DPYD: variants seen among roughly 807,000 people sequenced by gnomAD.
DPYD encodes the protein dihydropyrimidine dehydrogenase [NADP(+)].
A neutral mutation model predicts 116.2 loss-of-function variants in DPYD; 109 were observed. The ratio of observed to expected loss-of-function variants is 0.94; its 90% confidence interval spans 0.80 to 1.10. The LOEUF is 1.10. Among genes scored for constraint, DPYD ranks in the 50% least tolerant of loss-of-function variants. The pLI is 0.00. For missense variants in DPYD, 1,302 were observed against 1,254.5 expected, an observed-to-expected ratio of 1.04 and a Z score of -0.57; for synonymous variants, 440 against 432.0, an observed-to-expected ratio of 1.02 and a Z score of -0.23.
intron 3 of DPYD, among the ~76,000 whole-genome samples, chr1:97,791,609 A>T (rs1455234179): frequency 6.6e-6 from 1 of 152,222 alleles, no homozygotes; most frequent in Non-Finnish European, 1.5e-5. Flanking sequence ...TCTGGTTGTG[A>T]ATCAGCTGGC....
At chr1:97,161,762 C>A (rs1038088975) in intron 20 of DPYD, among the ~76,000 whole-genome samples, 16 of 136,542 alleles carry the variant, frequency 1.2e-4, no homozygotes, top group Admixed American at 3.0e-4. Context: ...TGATGTTCCC[C>A]TTCCTGTGTC....
intron 2 of DPYD, among the ~76,000 whole-genome samples, chr1:97,836,839 T>C (rs2101518269): frequency 6.6e-6 from 1 of 152,216 alleles, no homozygotes; most frequent in Admixed American, 6.5e-5. Flanking sequence ...GATTTTTGTT[T>C]ACAAAGAAAA....
intron 18 of DPYD, among the ~76,000 whole-genome samples, chr1:97,274,274 G>A (rs572860900): frequency 6.6e-6 from 1 of 152,172 alleles, no homozygotes; most frequent in South Asian, 2.1e-4. Flanking sequence ...TGGGCCATGG[G>A]GGCAGATCTC....
intron 3 of DPYD, among the ~76,000 whole-genome samples, chr1:97,803,250 T>G (rs1667929159): frequency 6.6e-6 from 1 of 151,848 alleles, no homozygotes; most frequent in African/African-American, 2.4e-5. Context: ...CTGAAACAAA[T>G]AGGAAAAACA....
intron 20 of DPYD, among the ~76,000 whole-genome samples, chr1:97,138,699 A>C (rs1653985308): frequency 6.6e-6 from 1 of 152,176 alleles, no homozygotes; most frequent in Admixed American, 6.6e-5. Context: ...TAAAAAACAT[A>C]AATATGAACT....
chr1:97,735,471 T>A (rs1663873299), intron 4 of DPYD, among the ~76,000 whole-genome samples: 1 of 146,752 alleles, frequency 6.8e-6, no homozygotes, highest in African/African-American at 2.5e-5. Context: ...GGTCAGGAGT[T>A]GGAAAGCATC....
At chr1:97,183,233 C>T (rs999899422) in intron 20 of DPYD, among the ~76,000 whole-genome samples, 2 of 152,020 alleles carry the variant, frequency 1.3e-5, no homozygotes, top group Admixed American at 6.6e-5. Context: ...GTCTTATAGT[C>T]TTACCTTACT....
intron 2 of DPYD, among the ~76,000 whole-genome samples, chr1:97,842,252 C>A (rs1670075139): frequency 6.6e-6 from 1 of 151,850 alleles, no homozygotes; most frequent in African/African-American, 2.4e-5. Context: ...AATATTTCAA[C>A]TTGAACTGAA....
intron 9 of DPYD, 138 bp from the exon 10 acceptor site, chr1:97,593,525 C>T (rs1260382381): frequency 2.1e-6 from 2 of 953,944 alleles, no homozygotes; most frequent in East Asian, 2.5e-5. Context: ...TCAAATTATT[C>T]TGCTTCATTG....
intron 14 of DPYD, among the ~76,000 whole-genome samples, chr1:97,426,353 TG>T (rs1295050661): frequency 6.6e-6 from 1 of 152,000 alleles, no homozygotes; most frequent in African/African-American, 2.4e-5. Flanking sequence ...GGATGATACG[TG>T]GTAGCAAAGA....
intron 21 of DPYD, among the ~76,000 whole-genome samples, chr1:97,091,721 T>A (rs1400966525): frequency 6.6e-6 from 1 of 152,166 alleles, no homozygotes; most frequent in Non-Finnish European, 1.5e-5. Context: ...TATCTTTTCA[T>A]TTAAAACAAT....
chr1:97,811,446 A>G (rs1489503931), intron 3 of DPYD, among the ~76,000 whole-genome samples: 2 of 152,104 alleles, frequency 1.3e-5, no homozygotes, highest in African/African-American at 4.8e-5. Flanking sequence ...ATGGCCTTAC[A>G]CTATAATTCT....
At chr1:97,311,512 G>A (rs923506232) in intron 16 of DPYD, among the ~76,000 whole-genome samples, 11 of 151,668 alleles carry the variant, frequency 7.3e-5, no homozygotes, top group Non-Finnish European at 1.0e-4. Context: ...AGATTGGGGG[G>A]TTGGGGGAAA....
At chr1:97,664,464 T>C (rs183163137) in intron 8 of DPYD, among the ~76,000 whole-genome samples, 1 of 152,060 alleles carries the variant, frequency 6.6e-6, no homozygotes, top group African/African-American at 2.4e-5. Context: ...TCAAATAGTA[T>C]TTTAAGGTTG....
chr1:97,810,955 C>G (rs1449587192), intron 3 of DPYD, among the ~76,000 whole-genome samples: 1 of 152,070 alleles, frequency 6.6e-6, no homozygotes, highest in Non-Finnish European at 1.5e-5. Context: ...TAACTCCGTA[C>G]CCTCTGCGTT....
chr1:97,737,829 T>G (rs1380670628), intron 4 of DPYD, among the ~76,000 whole-genome samples: 1 of 152,154 alleles, frequency 6.6e-6, no homozygotes, highest in Non-Finnish European at 1.5e-5. Context: ...TTCTTATAAA[T>G]GCAAACATTA....
chr1:97,152,535 T>G (rs79942317), intron 20 of DPYD, among the ~76,000 whole-genome samples: 1 of 151,348 alleles, frequency 6.6e-6, no homozygotes, highest in Non-Finnish European at 1.5e-5. Context: ...TATAAATATA[T>G]CTATTAAATT....
chr1:97,753,285 C>T (rs1231593935), intron 3 of DPYD, among the ~76,000 whole-genome samples: 1 of 152,084 alleles, frequency 6.6e-6, no homozygotes, highest in Non-Finnish European at 1.5e-5. Flanking sequence ...TATGTTACTG[C>T]CTATTTGTAT....
chr1:97,315,670 T>C (rs1423775390), intron 16 of DPYD, among the ~76,000 whole-genome samples: 1 of 152,004 alleles, frequency 6.6e-6, no homozygotes, highest in African/African-American at 2.4e-5. Flanking sequence ...GATATCTTAC[T>C]GAGAGGAATT....
Sources: gnomAD v4.1 joint callset for allele counts (sites outside exome capture counted in the v4.1 genomes callset) on GRCh38, gnomAD v4.1.1 for gene constraint, MANE v1.5 for transcripts, NCBI Gene and HGNC (gene_info 2026-07-23, HGNC 2026-07-21) for gene names.